The following USP31 variants were observed in gnomAD, a reference collection of about 807,000 sequenced individuals.
The protein encoded by USP31 is ubiquitin specific peptidase 31.
A neutral mutation model predicts 119.4 loss-of-function variants in USP31; 44 were observed. The observed-to-expected ratio is 0.37, with a 90% CI of 0.29 to 0.47. The LOEUF (loss-of-function observed/expected upper bound fraction) is 0.47, where lower values mean the gene tolerates loss of function less well. USP31 is among the 20% of genes least tolerant of loss of function. The probability of loss-of-function intolerance (pLI) is 0.99; values close to 1 mark genes in which losing one functional copy is unlikely to be tolerated. For missense variants in USP31, 1,643 were observed against 1,730.2 expected, an observed-to-expected ratio of 0.95 and a Z score of 0.89; for synonymous variants, 749 against 705.6, an observed-to-expected ratio of 1.06 and a Z score of -0.97.
chr16:23,140,653 C>A (rs1036222722), intron 1 of USP31, among the ~76,000 whole-genome samples: 2 of 152,146 alleles, frequency 1.3e-5, no homozygotes, highest in East Asian at 3.8e-4. Flanking sequence ...CCAGTGGTGA[C>A]GCCTCCAAAA....
intron 9 of USP31, among the ~76,000 whole-genome samples, chr16:23,086,169 C>T (rs1901099536): frequency 6.6e-6 from 1 of 152,162 alleles, no homozygotes; most frequent in African/African-American, 2.4e-5. Flanking sequence ...AAACCCAGAA[C>T]TCAGTTAATA....
intron 6 of USP31, among the ~76,000 whole-genome samples, chr16:23,092,076 T>G (rs1901387459): frequency 7.2e-6 from 1 of 139,030 alleles, no homozygotes; most frequent in African/African-American, 2.5e-5. Context: ...GTGGACCCAT[T>G]TACTGCCAGC....
intron 1 of USP31, among the ~76,000 whole-genome samples, chr16:23,141,601 T>A (rs915952859): frequency 3.9e-5 from 6 of 152,148 alleles, no homozygotes; most frequent in Non-Finnish European, 7.3e-5. Flanking sequence ...GGTCTTGAAC[T>A]CCTGAGCTCA....
intron 2 of USP31, among the ~76,000 whole-genome samples, chr16:23,107,388 G>A (rs950968659): frequency 6.6e-6 from 1 of 152,198 alleles, no homozygotes; most frequent in African/African-American, 2.4e-5. Flanking sequence ...TCATATGACA[G>A]AATAGAGTGT....
intron 13 of USP31, among the ~76,000 whole-genome samples, chr16:23,074,705 T>C (rs1054685927): frequency 6.6e-6 from 1 of 152,164 alleles, no homozygotes; most frequent in South Asian, 2.1e-4. Flanking sequence ...CATGAGCTCA[T>C]GAACGCAGGA....
intron 1 of USP31, among the ~76,000 whole-genome samples, chr16:23,114,452 G>GAAAAAAA (rs917531470): frequency 1.1e-5 from 1 of 89,996 alleles, no homozygotes; most frequent in African/African-American, 4.2e-5. Flanking sequence ...GAAAAAATAG[G>GAAAAAAA]AAAAAAAAAA....
intron 6 of USP31, among the ~76,000 whole-genome samples, chr16:23,097,010 A>G (rs1354986471): frequency 1.3e-5 from 2 of 152,190 alleles, no homozygotes; most frequent in Non-Finnish European, 2.9e-5. Context: ...ACTGAAAGAG[A>G]TAGAGACACA....
intron 13 of USP31, among the ~76,000 whole-genome samples, chr16:23,078,229 T>C (rs886494492): frequency 6.6e-6 from 1 of 150,610 alleles, no homozygotes; most frequent in African/African-American, 2.4e-5. Context: ...GGAGAATTGC[T>C]TGAACCCGGG....
chr16:23,148,281 G>C (rs1002704225), intron 1 of USP31, among the ~76,000 whole-genome samples: 5 of 152,180 alleles, frequency 3.3e-5, no homozygotes, highest in Admixed American at 6.5e-5. Context: ...CACATTGCTA[G>C]TAAGTGGCAG....
intron 6 of USP31, among the ~76,000 whole-genome samples, chr16:23,097,360 C>T (rs1016286396): frequency 1.7e-4 from 26 of 152,144 alleles, no homozygotes; most frequent in African/African-American, 5.6e-4. Flanking sequence ...AGCCTACCAA[C>T]CAAAAAGAGT....
At chr16:23,110,062 A>G (rs1034658852) in intron 1 of USP31, among the ~76,000 whole-genome samples, 8 of 152,182 alleles carry the variant, frequency 5.3e-5, no homozygotes, top group Non-Finnish European at 1.5e-5. Context: ...TAATGTACCA[A>G]TGTTAGCTTC....
chr16:23,073,498 T>A (rs903047529), intron 14 of USP31, among the ~76,000 whole-genome samples: 1 of 152,136 alleles, frequency 6.6e-6, no homozygotes, highest in Admixed American at 6.5e-5. Context: ...TTGCGCCAGG[T>A]CCAACCCACT....
At chr16:23,123,181 T>C (rs1234612292) in intron 1 of USP31, among the ~76,000 whole-genome samples, 2 of 152,184 alleles carry the variant, frequency 1.3e-5, no homozygotes. Flanking sequence ...TTTAGGATAA[T>C]ACATCAAGCT....
At position 23,134,419 on chromosome 16, in the gene USP31, T is replaced by C. The variant is rs143356898; in HGVS notation, c.633+14219A>G. Among the ~76,000 whole-genome samples the C allele has an allele frequency of 3.1e-3, 469 of 152,240 alleles. 4 individuals carry two copies. The highest frequency in any genetic ancestry group is 0.011 in the African/African-American group (442 of 41,554). ...CCCTGCCAAGTTTTTCTCTCATTTG[T>C]TTTCAAAACAGCCTTATGAAACAGA... On this transcript the variant is annotated intron_variant, in intron 1 of 15. Coordinates refer to ENST00000219689, the MANE Select transcript of USP31 (RefSeq NM_020718.4).
chr16:23,122,940 A>G (rs1046352814), intron 1 of USP31, among the ~76,000 whole-genome samples: 1 of 152,248 alleles, frequency 6.6e-6, no homozygotes, highest in East Asian at 1.9e-4. Context: ...TCGTAGGTTA[A>G]CTGTATTTCA....
chr16:23,108,312 A>C, intron 1 of USP31, 129 bp from the exon 2 acceptor site: 1 of 1,308,866 alleles, frequency 7.6e-7, no homozygotes, highest in East Asian at 2.6e-5. Flanking sequence ...GAAGGAGTGC[A>C]AAGTAAAAAC....
intron 1 of USP31, among the ~76,000 whole-genome samples, chr16:23,109,147 A>G (rs1424680387): frequency 6.6e-6 from 1 of 152,194 alleles, no homozygotes; most frequent in Non-Finnish European, 1.5e-5. Context: ...ATAATTACAG[A>G]TATTTATATA....
rs909445103 is a variant in USP31, at chr16:23,066,927, G to T, written c.*1119C>A. The T allele has an allele frequency of 2.0e-5, 3 of 152,188 alleles. No individual in the cohort carries two copies. Among genetic ancestry groups the T allele is most frequent in the African/African-American group, 7.2e-5 (3 of 41,430 alleles). 9.4% of individuals were successfully genotyped at this position (152,188 alleles called of 1,614,324 possible). ...AGCCCTAACAGAGACTGACAGACAGGATCTGAAGTGCATATGTAACACTTG... is the reference window on the plus strand; with the variant it reads ...AGCCCTAACAGAGACTGACAGACAGTATCTGAAGTGCATATGTAACACTTG... On this transcript the variant is annotated 3_prime_UTR_variant, in exon 16 of 16. Transcript: ENST00000219689.
At position 23,102,475 on chromosome 16, in the gene USP31, A is replaced by G; in HGVS notation, c.1090-12T>C. 6.3e-7 allele frequency: 1 copy of G among 1,598,570 alleles called. No individual in the cohort carries two copies. Among genetic ancestry groups the G allele is most frequent in the Non-Finnish European group, 8.5e-7 (1 of 1,174,076 alleles). The stretch of plus-strand genomic sequence containing the variant: ...TCTGTTAACACAATCTAAAAATAGG[A>G]AAAATGTAAACAGGTGGGTAACTGG... On this transcript the variant is annotated splice_polypyrimidine_tract_variant and intron_variant, in intron 5 of 15. Coordinates refer to ENST00000219689, the MANE Select transcript of USP31 (RefSeq NM_020718.4).
Sources: gnomAD v4.1 joint callset for allele counts (sites outside exome capture counted in the v4.1 genomes callset) on GRCh38, gnomAD v4.1.1 for gene constraint, MANE v1.5 for transcripts, NCBI Gene and HGNC (gene_info 2026-07-23, HGNC 2026-07-21) for gene names.